The following MTERF4 variants were observed in gnomAD, a reference collection of about 807,000 sequenced individuals.
The protein encoded by MTERF4 is transcription termination factor 4, mitochondrial.
In MTERF4, 17 loss-of-function variants were observed where a neutral mutation model predicts 22.5. That is an observed-to-expected ratio of 0.75 (90% confidence interval 0.52 to 1.13). The LOEUF (loss-of-function observed/expected upper bound fraction) is 1.13, where lower values mean the gene tolerates loss of function less well. Among genes scored for constraint, MTERF4 ranks in the 50% most tolerant of loss-of-function variants. The pLI is 0.00. For synonymous variants in MTERF4, 165 were observed against 175.3 expected, an observed-to-expected ratio of 0.94 and a Z score of 0.47; for missense variants, 420 against 466.8, an observed-to-expected ratio of 0.90 and a Z score of 0.92.
At chr2:241,069,894 C>T (rs746073721), downstream of MTERF4, 1 of 1,604,096 alleles carries the variant, frequency 6.2e-7, no homozygotes, top group Non-Finnish European at 8.5e-7. The surrounding 1 kb of genome is among the most constrained non-coding windows in gnomAD (Gnocchi z 4.9). Context: ...CACCCCCTCA[C>T]CTCTCCCTGC....
chr2:241,079,045 C>T (rs1265298688), intron 4 of MTERF4, among the ~76,000 whole-genome samples: 3 of 142,590 alleles, frequency 2.1e-5, no homozygotes, highest in African/African-American at 5.3e-5. Context: ...ACCCAGGAGG[C>T]GGAGGCTGCA....
chr2:241,088,262 A>T, downstream of MTERF4: 1 of 815,390 alleles, frequency 1.2e-6, no homozygotes, highest in Non-Finnish European at 2.2e-6. Context: ...AATGTATGTG[A>T]GCTAAAGACA....
At chr2:241,063,382 G>T in the MTERF4 span, 1 of 600,138 alleles carries the variant, frequency 1.7e-6, no homozygotes, top group Non-Finnish European at 3.0e-6. Flanking sequence ...CTGGAGGTGG[G>T]GCTTTGCCAG....
the MTERF4 span, among the ~76,000 whole-genome samples, chr2:241,059,058 C>A: frequency 6.6e-6 from 1 of 152,118 alleles, no homozygotes; most frequent in Non-Finnish European, 1.5e-5. Flanking sequence ...CTCGTGTTTA[C>A]AGTGGAGTCC....
In MTERF4 at chr2:241,099,491, C is replaced by T. The variant is rs765135782; in HGVS notation, c.425G>A (p.Cys142Tyr). Residue 142 changes from cysteine to tyrosine, a missense_variant, in exon 2 of 4, where the codon TGT (cysteine) becomes TAT (tyrosine). Coordinates refer to ENST00000391980, the MANE Select transcript of MTERF4 (RefSeq NM_182501.4). ...CTGGGGACTTTTCTTCAAGACCACA[C>T]ACACAGGCTCTGGATTCAGACCCAA... ...ILLGLNPEPVCVVLKKSPQLL... is the reference protein window; with the variant it reads ...ILLGLNPEPVYVVLKKSPQLL... 1.9e-6 allele frequency: 3 copies of T among 1,614,224 alleles called. No homozygotes were observed. In the South Asian group the frequency reaches 3.3e-5, roughly 18 times the overall value.
chr2:241,054,108 C>T, the MTERF4 span, among the ~76,000 whole-genome samples: 1 of 141,860 alleles, frequency 7.0e-6, no homozygotes, highest in Non-Finnish European at 1.5e-5. Context: ...TGGCTTCAAG[C>T]ATCCCTCCTT....
the MTERF4 span, chr2:241,064,875 G>C: frequency 1.4e-5 from 23 of 1,591,202 alleles, no homozygotes; most frequent in East Asian, 5.3e-4. This position sits in a 1 kb window ranked among gnomAD's most constrained non-coding sequence, Gnocchi z 7.0. Flanking sequence ...GCCCCTGTGG[G>C]GGCCGTGGCT....
Position 241,096,341 on chromosome 2 carries a change from A to G in MTERF4, c.803T>C (p.Leu268Pro). The change falls in exon 4 of 4, where the codon CTG becomes CCG. Residue 268 changes from leucine (L) to proline (P), a missense_variant. By Grantham distance (98) the Leu-to-Pro change is moderately conservative. Coordinates refer to ENST00000391980, the MANE Select transcript of MTERF4 (RefSeq NM_182501.4). This position sits in a 1 kb window ranked among gnomAD's most constrained non-coding sequence, Gnocchi z 5.1. ...LTKIKQRHIY[L>P]ERLGRYQTPD... Reference sequence around the variant, plus strand: ...GGTTTGGTACCGTCCCAGGCGCTCCAGGTAAATGTGTCTCTGCTTAATCTT... The same window carrying G: ...GGTTTGGTACCGTCCCAGGCGCTCCGGGTAAATGTGTCTCTGCTTAATCTT... 1.2e-6 allele frequency: 2 copies of G among 1,614,198 alleles called. No homozygotes were observed. The highest frequency in any genetic ancestry group is 4.5e-5 in the East Asian group (2 of 44,886).
downstream of MTERF4, chr2:241,088,625 A>G: frequency 1.8e-6 from 1 of 557,882 alleles, no homozygotes; most frequent in Non-Finnish European, 3.2e-6. Context: ...ATACACCTTC[A>G]GGTGGAAATG....
At chr2:241,079,208 C>T (rs1005734447) in intron 4 of MTERF4, among the ~76,000 whole-genome samples, 1 of 150,260 alleles carries the variant, frequency 6.7e-6, no homozygotes, top group South Asian at 2.1e-4. Flanking sequence ...TTCAGGAGAT[C>T]GAGACCATCC....
chr2:241,089,145 C>A, downstream of MTERF4: 1 of 673,480 alleles, frequency 1.5e-6, no homozygotes, highest in South Asian at 2.1e-5. Context: ...CTGGGATATA[C>A]CATAGAAAGC....
At chr2:241,085,893 G>A (rs1474689809), downstream of MTERF4, among the ~76,000 whole-genome samples, 1 of 115,424 alleles carries the variant, frequency 8.7e-6, no homozygotes, top group East Asian at 2.9e-4. Context: ...TTGAGACAGT[G>A]TCTTGCTCTG....
At chr2:241,048,273 C>A in the MTERF4 span, 10 of 1,553,004 alleles carry the variant, frequency 6.4e-6, no homozygotes, top group Admixed American at 1.8e-4. Flanking sequence ...ACTCTCCCCA[C>A]ATTCCCTGCG....
At chr2:241,097,827 T>A (rs1177704620) in intron 2 of MTERF4, among the ~76,000 whole-genome samples, 1 of 152,206 alleles carries the variant, frequency 6.6e-6, no homozygotes, top group Non-Finnish European at 1.5e-5. Context: ...TTTCCTTCTA[T>A]AATAAAATAG....
chr2:241,045,097 A>C, the MTERF4 span, among the ~76,000 whole-genome samples: 1 of 152,236 alleles, frequency 6.6e-6, no homozygotes, highest in Non-Finnish European at 1.5e-5. Flanking sequence ...GTATAAATCT[A>C]CTAAAACATT....
At chr2:241,078,154 G>A (rs539571304) in intron 4 of MTERF4, among the ~76,000 whole-genome samples, 4 of 152,132 alleles carry the variant, frequency 2.6e-5, no homozygotes, top group Non-Finnish European at 4.4e-5. Flanking sequence ...GGAGGCCGAG[G>A]CGGGCAGATC....
At chr2:241,091,674 C>G (rs531994749), downstream of MTERF4, 1 of 152,230 alleles carries the variant, frequency 6.6e-6, no homozygotes, top group African/African-American at 2.4e-5. This position sits in a 1 kb window ranked among gnomAD's most constrained non-coding sequence, Gnocchi z 4.1. Flanking sequence ...ACCAACCTCA[C>G]GAGTTTCTAA....
At chr2:241,068,285 A>G (rs1296414996), downstream of MTERF4, among the ~76,000 whole-genome samples, 4 of 151,732 alleles carry the variant, frequency 2.6e-5, no homozygotes, top group Non-Finnish European at 5.9e-5. This position sits in a 1 kb window ranked among gnomAD's most constrained non-coding sequence, Gnocchi z 5.3. Context: ...GCGAGGGTAG[A>G]TGGTAGCAGC....
chr2:241,067,645 C>A, downstream of MTERF4: 1 of 760,626 alleles, frequency 1.3e-6, no homozygotes, highest in Non-Finnish European at 2.1e-6. Context: ...ATGGGACACC[C>A]TCTCCAGTGC....
Sources: gnomAD v4.1 joint callset for allele counts (sites outside exome capture counted in the v4.1 genomes callset) on GRCh38, gnomAD v4.1.1 for gene constraint, Gnocchi (gnomAD v3.1) non-coding constraint, MANE v1.5 for transcripts, NCBI Gene and HGNC (gene_info 2026-07-23, HGNC 2026-07-21) for gene names.